The following SMAD2 variants were observed in gnomAD, a reference collection of about 807,000 sequenced individuals.
SMAD2 encodes the protein SMAD family member 2.
Under a neutral mutation model 64.4 loss-of-function variants are expected in SMAD2, and 8 were observed. The ratio of observed to expected loss-of-function variants is 0.12; its 90% CI spans 0.07 to 0.22. The LOEUF (loss-of-function observed/expected upper bound fraction) is 0.22, where lower values mean the gene tolerates loss of function less well. SMAD2 is among the 10% of genes least tolerant of loss of function. The pLI is 1.00. For missense variants in SMAD2, 289 were observed against 561.2 expected (o/e 0.51, Z 4.90); for synonymous variants, 203 against 195.8 (o/e 1.04, Z -0.31).
rs946032641 is a variant in SMAD2, at chr18:47,827,379, C to G, written c.*14448G>C. ...AAAAATTTATGCTCAATACCTCTCT[C>G]CAGCCAATCACTATGTAAATTGTGA... On this transcript the variant is annotated 3_prime_UTR_variant, in exon 11 of 11. Transcript: ENST00000262160. The G allele has an allele frequency of 1.3e-5, 2 of 152,214 alleles. No homozygotes were observed. Among genetic ancestry groups the G allele is most frequent in the African/African-American group, 4.8e-5 (2 of 41,450 alleles). The allele number at this position is 152,214 out of a possible 1,614,324, so 9.4% of individuals were successfully genotyped here. A position where few individuals can be genotyped will look rare whatever the true frequency, so the allele number is the denominator to read the frequency against.
At chr18:47,859,238 T>A (rs2030974085) in intron 6 of SMAD2, among the ~76,000 whole-genome samples, 1 of 151,986 alleles carries the variant, frequency 6.6e-6, no homozygotes, top group Non-Finnish European at 1.5e-5. Context: ...GACTCTAAAA[T>A]CAGAGCTGAA....
chr18:47,863,594 G>A (rs2031348230), intron 6 of SMAD2, among the ~76,000 whole-genome samples: 1 of 152,046 alleles, frequency 6.6e-6, no homozygotes, highest in African/African-American at 2.4e-5. Flanking sequence ...CTGCTTTCAA[G>A]GTCCATCCAT....
chr18:47,842,618 A>C (rs1914078989), intron 10 of SMAD2, among the ~76,000 whole-genome samples: 1 of 152,188 alleles, frequency 6.6e-6, no homozygotes, highest in Admixed American at 6.5e-5. Context: ...ACATAAAGTA[A>C]CTGTACTTAC....
intron 6 of SMAD2, among the ~76,000 whole-genome samples, chr18:47,856,215 T>C (rs2030666958): frequency 6.6e-6 from 1 of 151,726 alleles, no homozygotes; most frequent in Admixed American, 6.6e-5. Context: ...AATAGGGAGA[T>C]TATAGGTCAA....
chr18:47,860,960 A>C (rs2031131038), intron 6 of SMAD2, among the ~76,000 whole-genome samples: 1 of 152,218 alleles, frequency 6.6e-6, no homozygotes, highest in Admixed American at 6.5e-5. Flanking sequence ...TTCTTCCTAT[A>C]ATCAGAACAA....
rs1912661383 is a variant in SMAD2, at chr18:47,823,969, C to T, written c.*17858G>A. On this transcript the variant is annotated 3_prime_UTR_variant, in exon 11 of 11. Transcript: ENST00000262160. ...GACTTAATAATAGACTCCAGGTGGACTTAGCCTAAGTGCCACTCCCTTAAA... is the reference window on the plus strand; with the variant it reads ...GACTTAATAATAGACTCCAGGTGGATTTAGCCTAAGTGCCACTCCCTTAAA... The T allele has an allele frequency of 6.6e-6, 1 of 152,156 alleles. No homozygotes were observed. Among genetic ancestry groups the T allele is most frequent in the African/African-American group, 2.4e-5 (1 of 41,438 alleles). 9.4% of individuals were successfully genotyped at this position (152,156 alleles called of 1,614,324 possible).
intron 1 of SMAD2, among the ~76,000 whole-genome samples, chr18:47,928,849 G>A (rs537098515): frequency 1.3e-5 from 2 of 152,310 alleles, no homozygotes; most frequent in South Asian, 4.1e-4. Context: ...AACCTGGCCA[G>A]TGAACAGCCT....
intron 2 of SMAD2, among the ~76,000 whole-genome samples, chr18:47,888,765 T>C (rs1282720187): frequency 1.3e-5 from 2 of 152,146 alleles, no homozygotes; most frequent in Non-Finnish European, 2.9e-5. Context: ...TTACATAATG[T>C]ACAAAACATA....
At chr18:47,919,497 CACACACACACACACACACACACAA>C (rs2034477149) in intron 1 of SMAD2, among the ~76,000 whole-genome samples, 1 of 147,276 alleles carries the variant, frequency 6.8e-6, no homozygotes, top group Non-Finnish European at 1.5e-5. Context: ...CACACACACA[CACACACACACACACACACACACAA>C]AGAATAGGAG....
intron 10 of SMAD2, among the ~76,000 whole-genome samples, chr18:47,843,628 T>C (rs537303173): frequency 2.8e-4 from 42 of 152,330 alleles, no homozygotes; most frequent in Admixed American, 1.1e-3. Flanking sequence ...AGACAGTAAG[T>C]TCCTGGTAGC....
Position 47,831,567 on chromosome 18 carries a change from C to T in SMAD2, c.*10260G>A, listed in dbSNP as rs950391581. On this transcript the variant is annotated 3_prime_UTR_variant, in exon 11 of 11. Coordinates refer to ENST00000262160, the MANE Select transcript of SMAD2 (RefSeq NM_005901.6). ...ACTGGCAAATCCCCATCTCAAATTC[C>T]ATTTATTCTATAACCAATAAAGTCA... is the stretch of plus-strand genomic sequence containing the variant. The T allele has an allele frequency of 1.3e-5, 2 of 152,206 alleles. No individual in the cohort carries two copies. Among genetic ancestry groups the T allele is most frequent in the African/African-American group, 4.8e-5 (2 of 41,450 alleles). The allele number at this position is 152,206 out of a possible 1,614,324, so 9.4% of individuals were successfully genotyped here.
intron 6 of SMAD2, among the ~76,000 whole-genome samples, chr18:47,857,126 A>G (rs1394204892): frequency 6.6e-6 from 1 of 152,168 alleles, no homozygotes. Flanking sequence ...CAAAGTGACT[A>G]TGCTAATTTT....
chr18:47,903,317 A>T (rs530876748), intron 1 of SMAD2, among the ~76,000 whole-genome samples: 15 of 152,052 alleles, frequency 9.9e-5, no homozygotes, highest in African/African-American at 3.6e-4. Context: ...TATTAATAGC[A>T]GAAAGATGTC....
Position 47,842,315 on chromosome 18 carries a change from G to A in SMAD2, c.1281-365C>T, listed in dbSNP as rs544638926. On this transcript the variant is annotated intron_variant, in intron 10 of 10. Transcript: ENST00000262160. ...CCAGCACTTTGGGAGGCCGAGGCAG[G>A]CGGATCACAAGGTCAAGAGATTGAG... 1.4e-4 allele frequency among the ~76,000 whole-genome samples: 21 copies of A among 152,266 alleles called. No homozygotes were observed. In the South Asian group the frequency reaches 2.3e-3, roughly 17 times the overall value.
intron 6 of SMAD2, 132 bp from the exon 7 acceptor site, chr18:47,851,459 T>C (rs2030065392): frequency 1.2e-5 from 5 of 421,166 alleles, no homozygotes; most frequent in South Asian, 1.0e-4. Flanking sequence ...GAATTCAGAA[T>C]ATGTAAGTGC....
chr18:47,873,130 G>A (rs975097077), intron 2 of SMAD2, among the ~76,000 whole-genome samples: 9 of 151,988 alleles, frequency 5.9e-5, no homozygotes, highest in African/African-American at 1.4e-4. Flanking sequence ...GTAAGTCAAC[G>A]TGCCCAGGCT....
chr18:47,906,369 A>C (rs1452864625), intron 1 of SMAD2, among the ~76,000 whole-genome samples: 1 of 152,166 alleles, frequency 6.6e-6, no homozygotes, highest in Non-Finnish European at 1.5e-5. Context: ...TAAACCAACA[A>C]AATTTAAAAA....
intron 1 of SMAD2, among the ~76,000 whole-genome samples, chr18:47,926,030 A>G (rs2034748496): frequency 6.6e-6 from 1 of 152,272 alleles, no homozygotes; most frequent in Non-Finnish European, 1.5e-5. Flanking sequence ...ATACTCCTGC[A>G]GACTGACAAA....
rs990194234 is a variant in SMAD2 at position 47,822,702 on chromosome 18, C to T, written c.*19125G>A. 3.3e-5 allele frequency: 5 copies of T among 152,192 alleles called. No individual in the cohort carries two copies. Among genetic ancestry groups the T allele is most frequent in the Non-Finnish European group, 5.9e-5 (4 of 68,040 alleles). 9.4% of individuals were successfully genotyped at this position (152,192 alleles called of 1,614,324 possible). On this transcript the variant is annotated 3_prime_UTR_variant, in exon 11 of 11. Coordinates refer to ENST00000262160, the MANE Select transcript of SMAD2 (RefSeq NM_005901.6). ...TATTCATTTGTTTTTGTTTTTGAGACGGAGTCTCGCTCTGTTGCCCCAGCT... is the reference window on the plus strand; with the variant it reads ...TATTCATTTGTTTTTGTTTTTGAGATGGAGTCTCGCTCTGTTGCCCCAGCT...
Sources: allele counts gnomAD v4.1 joint callset (sites outside exome capture counted in the v4.1 genomes callset), GRCh38; gene constraint gnomAD v4.1.1; transcripts MANE v1.5; gene names NCBI Gene and HGNC (gene_info 2026-07-23, HGNC 2026-07-21).